UBE2Q2: variants seen among roughly 807,000 people sequenced by gnomAD.
UBE2Q2 encodes the protein ubiquitin-conjugating enzyme E2 Q2.
Under a neutral mutation model 59.9 loss-of-function variants are expected in UBE2Q2, and 54 were observed. The observed-to-expected ratio is 0.90, with a 90% CI of 0.72 to 1.13. The LOEUF (loss-of-function observed/expected upper bound fraction) is 1.13. Among genes scored for constraint, UBE2Q2 ranks in the 50% most tolerant of loss-of-function variants. The pLI, the probability that UBE2Q2 is intolerant of heterozygous loss-of-function variation, is 0.00. For synonymous variants in UBE2Q2, 165 were observed against 155.2 expected (o/e 1.06, Z -0.47); for missense variants, 433 against 441.9 (o/e 0.98, Z 0.18).
intron 3 of UBE2Q2, among the ~76,000 whole-genome samples, chr15:75,867,715 A>C (rs1018968640): frequency 1.3e-5 from 2 of 152,194 alleles, no homozygotes; most frequent in African/African-American, 4.8e-5. Flanking sequence ...ACCCAGATGC[A>C]TGTGAGAATC....
chr15:75,877,593 G>A (rs1291538625), intron 6 of UBE2Q2, among the ~76,000 whole-genome samples: 1 of 152,148 alleles, frequency 6.6e-6, no homozygotes, highest in African/African-American at 2.4e-5. Context: ...TTGGAAAGAT[G>A]TCCCTGAAAG....
At chr15:75,845,051 C>G (rs1158258710) in intron 1 of UBE2Q2, among the ~76,000 whole-genome samples, 1 of 151,990 alleles carries the variant, frequency 6.6e-6, no homozygotes, top group East Asian at 1.9e-4. Flanking sequence ...ACTAGTGTTG[C>G]AGAATTGAGT....
chr15:75,852,866 A>G (rs1045995850), intron 1 of UBE2Q2, among the ~76,000 whole-genome samples: 4 of 152,370 alleles, frequency 2.6e-5, no homozygotes, highest in Non-Finnish European at 2.9e-5. Flanking sequence ...ACTATTAATG[A>G]TGTCCTCCAT....
chr15:75,869,166 TCTAA>T (rs1234332752), intron 4 of UBE2Q2, among the ~76,000 whole-genome samples, 156 bp downstream of exon 4: 1 of 152,242 alleles, frequency 6.6e-6, no homozygotes, highest in African/African-American at 2.4e-5. Context: ...TGGCTTTACC[TCTAA>T]CTAATGATAT....
intron 3 of UBE2Q2, among the ~76,000 whole-genome samples, chr15:75,863,810 T>C (rs574558143): frequency 1.3e-5 from 2 of 152,156 alleles, no homozygotes; most frequent in South Asian, 4.1e-4. Flanking sequence ...GCTCGGCTAA[T>C]TTTTTGTATT....
chr15:75,890,578 C>T, intron 10 of UBE2Q2, 95 bp downstream of exon 10: 2 of 1,072,270 alleles, frequency 1.9e-6, no homozygotes, highest in East Asian at 2.4e-5. Context: ...ATAGCTCCTA[C>T]TCTTAAATTT....
Position 75,854,454 on chromosome 15 carries a change from G to T in UBE2Q2, c.249G>T (p.Leu83=). 2.5e-6 allele frequency: 4 copies of T among 1,613,080 alleles called. No homozygotes were observed. The highest frequency in any genetic ancestry group is 3.4e-6 in the Non-Finnish European group (4 of 1,179,500). ...DSEDPNLTSV[L]ERLEDTKNNN... is the part of the protein sequence containing the mutation. ...AAGACCCAAATCTGACATCAGTTCT[G>T]GAACGTCTAGAAGATACTAAGAACA... The change falls in exon 2 of 13, where the codon CTG becomes CTT. Residue 83 remains leucine (L), a synonymous_variant. Transcript: ENST00000267938.
At chr15:75,868,382 A>G (rs1309726802) in intron 3 of UBE2Q2, among the ~76,000 whole-genome samples, 1 of 152,226 alleles carries the variant, frequency 6.6e-6, no homozygotes, top group East Asian at 1.9e-4. Context: ...TGTGTCTTGT[A>G]GGGAAGTATT....
At chr15:75,877,429 G>C (rs951659437) in intron 6 of UBE2Q2, among the ~76,000 whole-genome samples, 1 of 151,156 alleles carries the variant, frequency 6.6e-6, no homozygotes, top group Admixed American at 6.6e-5. Flanking sequence ...TTGAATACTG[G>C]TTTTATTTTT....
intron 2 of UBE2Q2, among the ~76,000 whole-genome samples, chr15:75,859,332 A>G (rs551719625): frequency 6.6e-6 from 1 of 152,314 alleles, no homozygotes; most frequent in East Asian, 1.9e-4. Context: ...TTTGTTTTAC[A>G]GATGGGTAGA....
At chr15:75,887,968 T>C (rs1407574932) in intron 9 of UBE2Q2, among the ~76,000 whole-genome samples, 2 of 152,248 alleles carry the variant, frequency 1.3e-5, no homozygotes, top group Non-Finnish European at 2.9e-5. Context: ...TTAAGCATTG[T>C]GTGATTCTAG....
At chr15:75,870,505 C>T (rs1290766602) in intron 4 of UBE2Q2, among the ~76,000 whole-genome samples, 2 of 152,064 alleles carry the variant, frequency 1.3e-5, no homozygotes, top group Non-Finnish European at 2.9e-5. Context: ...TTTTTGTGCG[C>T]CCAGTTTACC....
intron 2 of UBE2Q2, among the ~76,000 whole-genome samples, chr15:75,858,597 A>G (rs1208824600): frequency 6.6e-6 from 1 of 152,074 alleles, no homozygotes; most frequent in African/African-American, 2.4e-5. Flanking sequence ...GTGTGGGGGA[A>G]GGGAGGAAAA....
At chr15:75,891,125 G>A (rs1899075866) in intron 11 of UBE2Q2, 111 bp downstream of exon 11, 2 of 829,630 alleles carry the variant, frequency 2.4e-6, no homozygotes, top group Non-Finnish European at 3.7e-6. Context: ...ATTTTCATTT[G>A]GTTTGTTTTC....
chr15:75,863,316 G>T (rs530139212), intron 3 of UBE2Q2, among the ~76,000 whole-genome samples: 5 of 152,242 alleles, frequency 3.3e-5, no homozygotes, highest in Non-Finnish European at 5.9e-5. Context: ...TGGTCTGCCG[G>T]TAACCCCATT....
In UBE2Q2 at chr15:75,843,847, G is replaced by C. The variant is rs767863287; in HGVS notation, c.180+1G>C. On this transcript the variant is annotated splice_donor_variant, in intron 1 of 12. Transcript: ENST00000267938. LOFTEE classifies it high-confidence loss of function. ...ACTCACGCTCCACTGCAACATCACG[G>C]TGAGGCGCCCGGCCGCGGCCCCGCG... 60 of 1,572,748 alleles carry C rather than the reference G, an allele frequency of 3.8e-5. No individual in the cohort carries two copies. Among genetic ancestry groups the C allele is most frequent in the Non-Finnish European group, 5.1e-5 (59 of 1,161,260 alleles).
At chr15:75,846,544 CTG>C (rs1896357968) in intron 1 of UBE2Q2, among the ~76,000 whole-genome samples, 2 of 152,080 alleles carry the variant, frequency 1.3e-5, no homozygotes, top group Non-Finnish European at 1.5e-5. Flanking sequence ...ACATGGATGA[CTG>C]TTTTGATAAA....
At chr15:75,879,055 T>C in intron 7 of UBE2Q2, 43 bp from the exon 8 acceptor site, 4 of 1,420,786 alleles carry the variant, frequency 2.8e-6, no homozygotes, top group Non-Finnish European at 2.9e-6. Flanking sequence ...AAAAAAAATC[T>C]CTAACTTTTT....
At chr15:75,890,218 A>G (rs189382176) in intron 9 of UBE2Q2, among the ~76,000 whole-genome samples, 2 of 150,576 alleles carry the variant, frequency 1.3e-5, no homozygotes, top group East Asian at 3.9e-4. Context: ...GAACCATTAG[A>G]AAAAATTGAC....
Sources: gnomAD v4.1 joint callset for allele counts (sites outside exome capture counted in the v4.1 genomes callset) on GRCh38, gnomAD v4.1.1 for gene constraint, MANE v1.5 for transcripts, NCBI Gene and HGNC (gene_info 2026-07-23, HGNC 2026-07-21) for gene names.